Variants in GTF2H3 observed in about 807,000 individuals in gnomAD.
GTF2H3 encodes general transcription factor IIH subunit 3, also known as TFIIH basal transcription factor complex p34 subunit.
In GTF2H3, 42 loss-of-function variants were observed where a neutral mutation model predicts 51.1. That is an observed-to-expected ratio of 0.82 (90% CI 0.64 to 1.06). GTF2H3 has a LOEUF of 1.06. Among genes scored for constraint, GTF2H3 ranks in the 50% least tolerant of loss-of-function variants. The pLI is 0.00. For synonymous variants in GTF2H3, 123 were observed against 123.8 expected, an observed-to-expected ratio of 0.99 and a Z score of 0.04; for missense variants, 326 against 366.1, an observed-to-expected ratio of 0.89 and a Z score of 0.89.
At position 123,655,941 on chromosome 12, in the gene GTF2H3, G is replaced by A. The variant is rs11057318; in HGVS notation, c.615+117G>A. On this transcript the variant is annotated intron_variant, in intron 9 of 12. Transcript: ENST00000543341. ...TGGGTTAAATAAAATATGTTATTCA[G>A]CCTAATTTTATCTATGTCTTTCCCC... The A allele has an allele frequency of 5.4e-3, 3,435 of 640,014 alleles. 94 individuals are homozygous for A. The highest frequency in any genetic ancestry group is 0.043 in the Admixed American group (1,655 of 38,700). The allele number at this position is 640,014 out of a possible 1,614,324, so 39.6% of individuals were successfully genotyped here.
chr12:123,652,662 T>A, intron 6 of GTF2H3, 45 bp from the exon 7 acceptor site: 1 of 1,535,788 alleles, frequency 6.5e-7, no homozygotes, highest in East Asian at 2.3e-5. Context: ...CATATATGAT[T>A]AGTAAGATTT....
chr12:123,641,713 T>C (rs1451043633), intron 2 of GTF2H3, among the ~76,000 whole-genome samples: 1 of 152,176 alleles, frequency 6.6e-6, no homozygotes, highest in Non-Finnish European at 1.5e-5. Context: ...TATTTTGTTA[T>C]TTGTTTTCTG....
At chr12:123,635,015 A>T (rs74931968) in intron 1 of GTF2H3, among the ~76,000 whole-genome samples, 289 of 152,284 alleles carry the variant, frequency 1.9e-3, no homozygotes, top group Non-Finnish European at 3.0e-3. Context: ...CAGGAACTGT[A>T]ATAATTGTCC....
chr12:123,639,986 G>C (rs1233564956), intron 2 of GTF2H3: 1 of 455,760 alleles, frequency 2.2e-6, no homozygotes, highest in Admixed American at 2.4e-5. Flanking sequence ...AGCCTCCCGA[G>C]TACTTGGGAC....
At chr12:123,646,255 CT>C (rs34427180) in intron 3 of GTF2H3, among the ~76,000 whole-genome samples, 10,185 of 135,714 alleles carry the variant, frequency 0.075, 370 homozygotes, top group African/African-American at 0.13. Context: ...TCTTCTATGT[CT>C]TTTTTTTTTT....
In GTF2H3 at chr12:123,635,399, C is replaced by T. The variant is rs192371807; in HGVS notation, c.13+1527C>T. 5.3e-3 allele frequency among the ~76,000 whole-genome samples: 800 copies of T among 152,062 alleles called. 7 individuals carry two copies. Among genetic ancestry groups the T allele is most frequent in the South Asian group, 0.016 (76 of 4,824 alleles). ...CAGCCTGGCCAACATGGTGAAACCC[C>T]GTCTCTGCTCAAAATACAAAAAAAT... On this transcript the variant is annotated intron_variant, in intron 1 of 12. Transcript: ENST00000543341.
At chr12:123,660,025 C>T (rs542279997) in intron 11 of GTF2H3, 21 bp from the exon 12 acceptor site, 7 of 1,240,192 alleles carry the variant, frequency 5.6e-6, no homozygotes, top group Admixed American at 4.4e-5. Context: ...CCTATTGTTT[C>T]TTTTTTTTTT....
At chr12:123,659,632 C>G in intron 10 of GTF2H3, 48 bp downstream of exon 10, 1 of 1,570,070 alleles carries the variant, frequency 6.4e-7, no homozygotes, top group Non-Finnish European at 8.8e-7. Context: ...GAAGGATGAC[C>G]TCTGTGTCCT....
At chr12:123,652,281 A>G (rs1955529909) in intron 5 of GTF2H3, among the ~76,000 whole-genome samples, 1 of 152,172 alleles carries the variant, frequency 6.6e-6, no homozygotes, top group Non-Finnish European at 1.5e-5. Context: ...TAGGACAGTC[A>G]AGTGTTGGGA....
chr12:123,654,609 T>G (rs1052683969), intron 7 of GTF2H3, among the ~76,000 whole-genome samples: 21 of 151,518 alleles, frequency 1.4e-4, no homozygotes, highest in Admixed American at 1.3e-4. Flanking sequence ...GTGTGTGTAT[T>G]TTGGGGGCGT....
At chr12:123,655,084 C>T in intron 8 of GTF2H3, 86 bp downstream of exon 8, 2 of 989,254 alleles carry the variant, frequency 2.0e-6, no homozygotes, top group Non-Finnish European at 3.2e-6. Context: ...CTGAGGTATT[C>T]TGACTACGTA....
rs1051682459 is a variant in GTF2H3 at position 123,639,174 on chromosome 12, C to T, written c.14-90C>T. 2.3e-5 allele frequency: 16 copies of T among 703,990 alleles called. No homozygotes were observed. The African/African-American group carries it at 2.8e-4, about 12-fold the overall frequency. 43.6% of individuals were successfully genotyped at this position (703,990 alleles called of 1,614,324 possible). A position where few individuals can be genotyped will look rare whatever the true frequency, so the allele number is the denominator to read the frequency against. On this transcript the variant is annotated intron_variant, in intron 1 of 12. Transcript: ENST00000543341. ...AACATTTAAGGCATATAGTGGTGCT[C>T]TGGATTTAATTTATGAATTGGGAAT...
chr12:123,644,705 A>G (rs1955423565), intron 2 of GTF2H3, among the ~76,000 whole-genome samples: 1 of 152,164 alleles, frequency 6.6e-6, no homozygotes, highest in South Asian at 2.1e-4. Flanking sequence ...CCCACTAAGT[A>G]TACTGAGCAA....
At chr12:123,635,618 G>T (rs545153461) in intron 1 of GTF2H3, among the ~76,000 whole-genome samples, 1 of 147,044 alleles carries the variant, frequency 6.8e-6, no homozygotes, top group East Asian at 2.0e-4. Flanking sequence ...TCACTGTTTT[G>T]CCCAGGCTGG....
chr12:123,633,852 G>T lies in GTF2H3; in HGVS notation c.-8G>T, dbSNP rs201984053. On this transcript the variant is annotated 5_prime_UTR_variant, in exon 1 of 13. Coordinates refer to ENST00000543341, the MANE Select transcript of GTF2H3 (RefSeq NM_001516.5). ...CCACTTGCTCTGCGCTGAGGTGCTG[G>T]GACAGCCATGGTTTCAGACGGTGAG... The T allele has an allele frequency of 5.0e-6, 8 of 1,613,218 alleles. No homozygotes were observed. In the Admixed American group the frequency reaches 1.3e-4, roughly 27 times the overall value.
At chr12:123,653,525 T>C (rs1421337518) in intron 7 of GTF2H3, among the ~76,000 whole-genome samples, 1 of 151,778 alleles carries the variant, frequency 6.6e-6, no homozygotes, top group East Asian at 1.9e-4. Flanking sequence ...CGTGGGCGCC[T>C]GTAGTCCCAG....
chr12:123,640,810 A>G (rs1451780124), intron 2 of GTF2H3, among the ~76,000 whole-genome samples: 1 of 152,226 alleles, frequency 6.6e-6, no homozygotes, highest in Non-Finnish European at 1.5e-5. Context: ...CTTTTGCATT[A>G]CAAAAGCAGA....
chr12:123,648,441 T>G (rs952521495), intron 4 of GTF2H3: 1 of 176,750 alleles, frequency 5.7e-6, no homozygotes, highest in African/African-American at 2.4e-5. Context: ...TTAAAATATG[T>G]TTTTAATTCG....
chr12:123,633,964 G>C lies in GTF2H3; in HGVS notation c.13+92G>C. 5.0e-6 allele frequency: 7 copies of C among 1,387,916 alleles called. 1 individual carries two copies. The South Asian group carries it at 8.1e-5, about 16-fold the overall frequency. The allele number at this position is 1,387,916 out of a possible 1,614,324, so 86.0% of individuals were successfully genotyped here. A position where few individuals can be genotyped will look rare whatever the true frequency, so the allele number is the denominator to read the frequency against. On this transcript the variant is annotated intron_variant, in intron 1 of 12. Coordinates refer to ENST00000543341, the MANE Select transcript of GTF2H3 (RefSeq NM_001516.5). ...CAGATGGAATGTGTCTTTTGGGCTGGATAGAATCCGTTTGGTCTTTAGAGG... is the reference window on the plus strand; with the variant it reads ...CAGATGGAATGTGTCTTTTGGGCTGCATAGAATCCGTTTGGTCTTTAGAGG...
Sources: gnomAD v4.1 joint callset for allele counts (sites outside exome capture counted in the v4.1 genomes callset) on GRCh38, gnomAD v4.1.1 for gene constraint, MANE v1.5 for transcripts, NCBI Gene and HGNC (gene_info 2026-07-23, HGNC 2026-07-21) for gene names.